NAALADL2: variants seen among roughly 807,000 people sequenced by gnomAD.
NAALADL2 encodes the protein N-acetylated alpha-linked acidic dipeptidase like 2, also known as inactive N-acetylated-alpha-linked acidic dipeptidase-like protein 2.
Under a neutral mutation model 87.2 loss-of-function variants are expected in NAALADL2, and 76 were observed. The ratio of observed to expected loss-of-function variants is 0.87; its 90% confidence interval spans 0.72 to 1.05. The LOEUF (loss-of-function observed/expected upper bound fraction) is 1.05, where lower values mean the gene tolerates loss of function less well. Among genes scored for constraint, NAALADL2 ranks in the 50% least tolerant of loss-of-function variants. The probability of loss-of-function intolerance (pLI) is 0.00; values close to 1 mark genes in which losing one functional copy is unlikely to be tolerated. For missense variants in NAALADL2, 1,089 were observed against 945.8 expected (o/e 1.15, Z -1.99); for synonymous variants, 354 against 331.0 (o/e 1.07, Z -0.75).
intron 2 of NAALADL2, among the ~76,000 whole-genome samples, chr3:175,168,776 A>T (rs1391303728): frequency 6.6e-6 from 1 of 151,842 alleles, no homozygotes; most frequent in Non-Finnish European, 1.5e-5. Flanking sequence ...CTTCACTCCA[A>T]CATGAACATA....
chr3:175,201,645 C>T (rs1740041333), intron 2 of NAALADL2, among the ~76,000 whole-genome samples: 1 of 151,782 alleles, frequency 6.6e-6, no homozygotes, highest in South Asian at 2.1e-4. Context: ...AGATTTTTTC[C>T]AATTCTTCTT....
At chr3:175,050,414 A>G (rs1015226142) in intron 1 of NAALADL2, among the ~76,000 whole-genome samples, 10 of 152,108 alleles carry the variant, frequency 6.6e-5, no homozygotes, top group African/African-American at 2.2e-4. Flanking sequence ...GGGACGCACC[A>G]CCACGTCTAG....
intron 3 of NAALADL2, among the ~76,000 whole-genome samples, chr3:174,831,020 T>G (rs532035036): frequency 0.13 from 18,244 of 142,772 alleles, 1,225 homozygotes; most frequent in African/African-American, 0.21. Context: ...GAGACAATGG[T>G]GTTTTCTAGA....
At chr3:175,185,908 A>C (rs1167120590) in intron 2 of NAALADL2, among the ~76,000 whole-genome samples, 2 of 151,918 alleles carry the variant, frequency 1.3e-5, no homozygotes, top group African/African-American at 2.4e-5. Context: ...TTTAAAATTT[A>C]TATTTTCACA....
intron 9 of NAALADL2, among the ~76,000 whole-genome samples, chr3:175,477,138 T>A (rs1358324456): frequency 2.6e-5 from 4 of 152,106 alleles, no homozygotes; most frequent in Non-Finnish European, 5.9e-5. Flanking sequence ...GAACACTTGC[T>A]GAGAAACAAA....
intron 2 of NAALADL2, among the ~76,000 whole-genome samples, chr3:174,601,380 T>C (rs1718444071): frequency 6.6e-6 from 1 of 152,204 alleles, no homozygotes; most frequent in Non-Finnish European, 1.5e-5. Flanking sequence ...TATTTGCATT[T>C]CTCTGATGAT....
intron 1 of NAALADL2, among the ~76,000 whole-genome samples, chr3:175,070,308 G>T (rs1715388517): frequency 6.6e-6 from 1 of 151,602 alleles, no homozygotes; most frequent in Non-Finnish European, 1.5e-5. Flanking sequence ...TTCGAACATA[G>T]AATTATTAGA....
At chr3:175,447,865 G>A (rs1460480759) in intron 6 of NAALADL2, among the ~76,000 whole-genome samples, 1 of 152,186 alleles carries the variant, frequency 6.6e-6, no homozygotes, top group African/African-American at 2.4e-5. Flanking sequence ...GTCAGGCCTT[G>A]TTGGACCACG....
intron 1 of NAALADL2, among the ~76,000 whole-genome samples, chr3:174,887,583 C>T (rs567445904): frequency 3.3e-5 from 5 of 152,030 alleles, no homozygotes; most frequent in Admixed American, 3.3e-4. Context: ...TTGCTTGAGC[C>T]CAGGAGTTCA....
intron 9 of NAALADL2, among the ~76,000 whole-genome samples, chr3:175,550,618 G>C (rs966052375): frequency 2.0e-5 from 3 of 152,138 alleles, no homozygotes; most frequent in African/African-American, 7.2e-5. Context: ...TGTGACACTT[G>C]AGGAAGGTCT....
chr3:174,998,685 T>A (rs1747849196), intron 1 of NAALADL2, among the ~76,000 whole-genome samples: 1 of 152,164 alleles, frequency 6.6e-6, no homozygotes, highest in Non-Finnish European at 1.5e-5. Context: ...TTATAGTACC[T>A]AAAAGTGAGC....
At chr3:175,567,787 C>G (rs1386175152) in intron 9 of NAALADL2, among the ~76,000 whole-genome samples, 1 of 151,146 alleles carries the variant, frequency 6.6e-6, no homozygotes, top group Admixed American at 6.6e-5. Context: ...ACTATCTCGG[C>G]TCACTGCAAG....
At chr3:175,235,354 A>G (rs532496401) in intron 3 of NAALADL2, 1 of 152,166 alleles carries the variant, frequency 6.6e-6, no homozygotes, top group African/African-American at 2.4e-5. Flanking sequence ...ACTTTTAGCC[A>G]AAGAGCTGCA....
Position 175,338,811 on chromosome 3 carries a change from T to TG in NAALADL2, c.1090+14490dup, listed in dbSNP as rs1352858204. Among the ~76,000 whole-genome samples the TG allele has an allele frequency of 4.6e-5, 7 of 152,234 alleles. 1 individual carries two copies. In the South Asian group the frequency reaches 1.5e-3, roughly 32 times the overall value. On this transcript the variant is annotated intron_variant, in intron 5 of 13. Transcript: ENST00000454872. Reference sequence around the variant, plus strand: ...GTTAGGATTGGTACTATCCTTTGGCTGGGGCTGAGCCTCTTGGGCACCTCT... The same window carrying TG: ...GTTAGGATTGGTACTATCCTTTGGCTGGGGGCTGAGCCTCTTGGGCACCTCT...
rs183649382 is a variant in NAALADL2 at position 174,899,333 on chromosome 3, C to T, written c.43+39883C>T. 3.4e-3 allele frequency among the ~76,000 whole-genome samples: 519 copies of T among 152,176 alleles called. 3 individuals carry two copies. The highest frequency in any genetic ancestry group is 0.012 in the African/African-American group (498 of 41,516). Reference sequence around the variant, plus strand: ...ATGATACAGTTTAAGTATTTGGCCCCACCCAAATCTCATGTTGAAACATAA... The same window carrying T: ...ATGATACAGTTTAAGTATTTGGCCCTACCCAAATCTCATGTTGAAACATAA... On this transcript the variant is annotated intron_variant, in intron 1 of 13. Coordinates refer to ENST00000454872, the MANE Select transcript of NAALADL2 (RefSeq NM_207015.3).
intron 11 of NAALADL2, among the ~76,000 whole-genome samples, chr3:175,667,743 G>GTTTTTTT (rs58514374): frequency 1.6e-4 from 19 of 120,050 alleles, no homozygotes; most frequent in African/African-American, 5.0e-4. Flanking sequence ...GTTTTTTGCT[G>GTTTTTTT]TTTTTTTTTT....
intron 10 of NAALADL2, among the ~76,000 whole-genome samples, chr3:175,598,066 A>C (rs1300269200): frequency 6.6e-6 from 1 of 152,012 alleles, no homozygotes; most frequent in Non-Finnish European, 1.5e-5. Flanking sequence ...TATTCTATGT[A>C]ATGAGGGGCA....
rs553534377 is a variant in NAALADL2, at chr3:175,153,036, G to T, written c.545+55745G>T. Among the ~76,000 whole-genome samples the T allele has an allele frequency of 7.9e-5, 12 of 152,084 alleles. No individual in the cohort carries two copies. In the South Asian group the frequency reaches 2.5e-3, roughly 32 times the overall value. On this transcript the variant is annotated intron_variant, in intron 2 of 13. Transcript: ENST00000454872. Reference sequence around the variant, plus strand: ...TAAGTAGTAAATAACTTCTAACATTGATATGCATACCTATCTCTTATATTT... The same window carrying T: ...TAAGTAGTAAATAACTTCTAACATTTATATGCATACCTATCTCTTATATTT...
intron 1 of NAALADL2, among the ~76,000 whole-genome samples, chr3:175,013,178 T>A (rs1290506576): frequency 2.3e-5 from 3 of 128,056 alleles, no homozygotes; most frequent in South Asian, 2.2e-4. Flanking sequence ...TAATACATAT[T>A]TATATATAAA....
Sources: allele counts gnomAD v4.1 joint callset (sites outside exome capture counted in the v4.1 genomes callset), GRCh38; gene constraint gnomAD v4.1.1; transcripts MANE v1.5; gene names NCBI Gene and HGNC (gene_info 2026-07-23, HGNC 2026-07-21).